Variants in SLIT3 observed in about 807,000 individuals in gnomAD.
SLIT3 encodes the protein slit guidance ligand 3.
Under a neutral mutation model 184.0 loss-of-function variants are expected in SLIT3, and 68 were observed. The observed-to-expected ratio is 0.37, with a 90% CI of 0.30 to 0.45. The LOEUF is 0.45. Among genes scored for constraint, SLIT3 ranks in the 20% least tolerant of loss-of-function variants. The pLI, the probability that SLIT3 is intolerant of heterozygous loss-of-function variation, is 1.00. For missense variants in SLIT3, 1,707 were observed against 2,026.0 expected (o/e 0.84, Z 3.02); for synonymous variants, 831 against 828.6 (o/e 1.00, Z -0.05).
At chr5:168,912,641 A>G (rs776052045) in intron 4 of SLIT3, among the ~76,000 whole-genome samples, 4 of 152,184 alleles carry the variant, frequency 2.6e-5, no homozygotes, top group African/African-American at 4.8e-5. Context: ...TTGGGTGTAT[A>G]TTACAAACAT....
At chr5:169,238,990 C>A (rs572608677) in intron 3 of SLIT3, among the ~76,000 whole-genome samples, 1 of 152,220 alleles carries the variant, frequency 6.6e-6, no homozygotes, top group East Asian at 1.9e-4. Context: ...AGCTGCCTTC[C>A]CTCTGCTTTC....
At chr5:168,897,918 C>T (rs1042358747) in intron 4 of SLIT3, among the ~76,000 whole-genome samples, 18 of 152,102 alleles carry the variant, frequency 1.2e-4, no homozygotes, top group East Asian at 1.9e-4. Context: ...TGCATCCAGC[C>T]AGAGGGGAGC....
chr5:168,927,824 A>T (rs1324033104), intron 4 of SLIT3, among the ~76,000 whole-genome samples: 1 of 152,240 alleles, frequency 6.6e-6, no homozygotes, highest in Non-Finnish European at 1.5e-5. Flanking sequence ...GGGACATTAA[A>T]TATTATTACA....
At chr5:168,969,265 C>T (rs927065979) in intron 4 of SLIT3, among the ~76,000 whole-genome samples, 53 of 152,220 alleles carry the variant, frequency 3.5e-4, no homozygotes, top group African/African-American at 1.3e-3. Flanking sequence ...TTAAATGAGC[C>T]TCAACCTGAA....
chr5:168,797,354 C>T (rs1030364249), intron 9 of SLIT3, among the ~76,000 whole-genome samples: 46 of 152,320 alleles, frequency 3.0e-4, no homozygotes, highest in African/African-American at 1.1e-3. Flanking sequence ...CATTCACCTG[C>T]CACTGTGGCA....
chr5:169,170,080 C>T (rs947718695), intron 4 of SLIT3, among the ~76,000 whole-genome samples: 3 of 152,180 alleles, frequency 2.0e-5, no homozygotes, highest in Admixed American at 6.5e-5. Flanking sequence ...TGACTGCACT[C>T]GGATGAGGGA....
intron 9 of SLIT3, among the ~76,000 whole-genome samples, chr5:168,796,626 G>T (rs1377837457): frequency 6.6e-6 from 1 of 152,178 alleles, no homozygotes; most frequent in African/African-American, 2.4e-5. Context: ...GGGTAGATGG[G>T]AGGAACGGGC....
chr5:169,020,721 T>C (rs540912675), intron 4 of SLIT3, among the ~76,000 whole-genome samples: 2 of 152,278 alleles, frequency 1.3e-5, no homozygotes, highest in East Asian at 1.9e-4. Context: ...TGCAAAAGCA[T>C]GGATGGTGGG....
rs146349164 is a variant in SLIT3 at position 169,163,051 on chromosome 5, G to A, written c.413+30428C>T. Among the ~76,000 whole-genome samples the A allele has an allele frequency of 6.3e-3, 954 of 152,190 alleles. 9 individuals are homozygous for A. The highest frequency in any genetic ancestry group is 0.024 in the Middle Eastern group (7 of 294). ...GATCATTAAAAAAGGGGCTGGGCAC[G>A]GTGGCTCACGCTTGTAATCCCAGCA... On this transcript the variant is annotated intron_variant, in intron 4 of 35. Transcript: ENST00000519560.
rs140661519 is a variant in SLIT3, at chr5:169,126,604, A to T, written c.413+66875T>A. 9.8e-4 allele frequency among the ~76,000 whole-genome samples: 150 copies of T among 152,340 alleles called. 1 individual carries two copies. Among genetic ancestry groups the T allele is most frequent in the African/African-American group, 3.2e-3 (135 of 41,572 alleles). ...ACACAGAGCACTGCCTCTCACAAGC[A>T]CTACATCATCTGCTTTGCTCAGACA... On this transcript the variant is annotated intron_variant, in intron 4 of 35. Coordinates refer to ENST00000519560, the MANE Select transcript of SLIT3 (RefSeq NM_003062.4).
At chr5:169,109,046 C>A (rs899313762) in intron 4 of SLIT3, among the ~76,000 whole-genome samples, 1 of 152,188 alleles carries the variant, frequency 6.6e-6, no homozygotes, top group Non-Finnish European at 1.5e-5. Flanking sequence ...ACTTGCTTCT[C>A]ACTGACAGCA....
intron 5 of SLIT3, among the ~76,000 whole-genome samples, chr5:168,852,433 G>A (rs1395803873): frequency 4.6e-5 from 7 of 152,226 alleles, no homozygotes; most frequent in African/African-American, 1.7e-4. Context: ...GCAAGAGCCA[G>A]AGCTGAGACA....
chr5:169,037,293 T>G (rs1050163501), intron 4 of SLIT3, among the ~76,000 whole-genome samples: 4 of 152,194 alleles, frequency 2.6e-5, no homozygotes, highest in African/African-American at 9.7e-5. Flanking sequence ...GCAGCTTGGG[T>G]AGCTCACAAA....
At chr5:168,748,089 G>C (rs900547182) in intron 20 of SLIT3, among the ~76,000 whole-genome samples, 4 of 152,030 alleles carry the variant, frequency 2.6e-5, no homozygotes, top group African/African-American at 9.7e-5. Flanking sequence ...CCAGGCAGAG[G>C]CACTGGGGGA....
chr5:169,180,041 A>G (rs1285238969), intron 4 of SLIT3, among the ~76,000 whole-genome samples: 1 of 152,216 alleles, frequency 6.6e-6, no homozygotes, highest in Non-Finnish European at 1.5e-5. Flanking sequence ...GATAAGTGCT[A>G]TGAAGAAAAT....
Position 168,976,191 on chromosome 5 carries a change from T to C in SLIT3, c.414-92855A>G, listed in dbSNP as rs548176084. On this transcript the variant is annotated intron_variant, in intron 4 of 35. Coordinates refer to ENST00000519560, the MANE Select transcript of SLIT3 (RefSeq NM_003062.4). ...CTTTTATAGGGAGGGAAACTGAGGCTCAGAGAGACTATGTAACTTGCCCAA... is the reference window on the plus strand; with the variant it reads ...CTTTTATAGGGAGGGAAACTGAGGCCCAGAGAGACTATGTAACTTGCCCAA... Among the ~76,000 whole-genome samples the C allele has an allele frequency of 2.6e-5, 4 of 152,322 alleles. No homozygotes were observed. In the South Asian group the frequency reaches 8.3e-4, roughly 32 times the overall value.
chr5:168,976,120 A>G (rs1561584902), intron 4 of SLIT3, among the ~76,000 whole-genome samples: 2 of 152,002 alleles, frequency 1.3e-5, no homozygotes, highest in Admixed American at 1.3e-4. Context: ...TCATGATCTC[A>G]CTCAGCCCTC....
At chr5:168,825,408 T>C (rs1205794135) in intron 6 of SLIT3, among the ~76,000 whole-genome samples, 1 of 152,164 alleles carries the variant, frequency 6.6e-6, no homozygotes, top group Admixed American at 6.6e-5. Flanking sequence ...CCACATCTAC[T>C]TATCATCTGC....
intron 4 of SLIT3, among the ~76,000 whole-genome samples, chr5:169,164,363 C>A (rs1762568830): frequency 6.6e-6 from 1 of 152,158 alleles, no homozygotes; most frequent in Non-Finnish European, 1.5e-5. Context: ...AGGACCGCAG[C>A]CCCTTTTCCT....
Sources: gnomAD v4.1 joint callset for allele counts (sites outside exome capture counted in the v4.1 genomes callset) on GRCh38, gnomAD v4.1.1 for gene constraint, MANE v1.5 for transcripts, NCBI Gene and HGNC (gene_info 2026-07-23, HGNC 2026-07-21) for gene names.